The following ZMYND8 variants were observed in gnomAD, a reference collection of about 807,000 sequenced individuals.
ZMYND8 encodes zinc finger MYND-type containing 8, also known as MYND-type zinc finger-containing chromatin reader ZMYND8.
Under a neutral mutation model 140.8 loss-of-function variants are expected in ZMYND8, and 37 were observed. The ratio of observed to expected loss-of-function variants is 0.26; its 90% CI spans 0.20 to 0.35. ZMYND8 has a LOEUF of 0.35. Among genes scored for constraint, ZMYND8 ranks in the 10% least tolerant of loss-of-function variants. ZMYND8 has a pLI of 1.00. For missense variants in ZMYND8, 1,068 were observed against 1,570.0 expected (o/e 0.68, Z 5.40); for synonymous variants, 592 against 597.1 (o/e 0.99, Z 0.12).
intron 2 of ZMYND8, among the ~76,000 whole-genome samples, chr20:47,335,534 A>T (rs1384149481): frequency 3.3e-5 from 5 of 152,190 alleles, no homozygotes; most frequent in African/African-American, 1.2e-4. Flanking sequence ...ATAAGGCAAT[A>T]AAAAGTACCC....
At chr20:47,272,108 C>G (rs2075988495) in intron 11 of ZMYND8, among the ~76,000 whole-genome samples, 1 of 151,452 alleles carries the variant, frequency 6.6e-6, no homozygotes, top group East Asian at 1.9e-4. Flanking sequence ...GACAGAGTCT[C>G]ACTCTGTTGC....
intron 12 of ZMYND8, among the ~76,000 whole-genome samples, chr20:47,255,133 T>A (rs2074495691): frequency 6.6e-6 from 1 of 151,698 alleles, no homozygotes; most frequent in Non-Finnish European, 1.5e-5. Context: ...AAAAAATAAA[T>A]AAAACATAAA....
At chr20:47,224,688 G>A (rs2037436852) in intron 18 of ZMYND8, 132 bp from the exon 19 acceptor site, 1 of 1,478,008 alleles carries the variant, frequency 6.8e-7, no homozygotes, top group Non-Finnish European at 9.1e-7. Flanking sequence ...TGTGCCCATG[G>A]GCAATAACCT....
At chr20:47,214,491 C>T (rs553760176) in intron 21 of ZMYND8, among the ~76,000 whole-genome samples, 2 of 152,098 alleles carry the variant, frequency 1.3e-5, no homozygotes, top group African/African-American at 2.4e-5. Context: ...TCCTAAATGT[C>T]GGACTAAATC....
chr20:47,216,671 G>GT (rs1444735289), intron 21 of ZMYND8, among the ~76,000 whole-genome samples: 3 of 151,744 alleles, frequency 2.0e-5, no homozygotes, highest in Non-Finnish European at 4.4e-5. Flanking sequence ...GCTGGGTGTG[G>GT]TGGTGCACAC....
chr20:47,266,610 T>A (rs2075546819), intron 11 of ZMYND8, among the ~76,000 whole-genome samples: 1 of 152,114 alleles, frequency 6.6e-6, no homozygotes. Context: ...TTTGCTCTCA[T>A]GCCTGAATTT....
chr20:47,261,340 C>G (rs746097985), intron 12 of ZMYND8, among the ~76,000 whole-genome samples: 2 of 152,044 alleles, frequency 1.3e-5, no homozygotes, highest in Non-Finnish European at 2.9e-5. Context: ...AGTTCAAGAC[C>G]AGCCTGGGCA....
chr20:47,265,038 A>C (rs907211708), intron 11 of ZMYND8, among the ~76,000 whole-genome samples: 9 of 123,052 alleles, frequency 7.3e-5, no homozygotes, highest in African/African-American at 1.2e-4. Context: ...CCCTGTCCCC[A>C]AAAAAATATA....
chr20:47,340,944 C>CT (rs1342848912), intron 2 of ZMYND8, among the ~76,000 whole-genome samples: 1 of 152,164 alleles, frequency 6.6e-6, no homozygotes, highest in Non-Finnish European at 1.5e-5. Flanking sequence ...TTATCTTGAT[C>CT]TGGGTCAGGG....
At chr20:47,253,622 C>A (rs1225168052) in intron 12 of ZMYND8, among the ~76,000 whole-genome samples, 1 of 151,750 alleles carries the variant, frequency 6.6e-6, no homozygotes, top group Non-Finnish European at 1.5e-5. Flanking sequence ...CTGTATCAGA[C>A]CAATCTTCTA....
At chr20:47,220,488 G>A (rs1040651753) in intron 20 of ZMYND8, among the ~76,000 whole-genome samples, 164 bp from the exon 21 acceptor site, 3 of 152,206 alleles carry the variant, frequency 2.0e-5, no homozygotes, top group Non-Finnish European at 4.4e-5. Flanking sequence ...GGGCGGCCAG[G>A]TGGCCAAACC....
chr20:47,211,063 C>T lies in ZMYND8; in HGVS notation c.3569-166G>A, dbSNP rs546433372. 3.3e-5 allele frequency among the ~76,000 whole-genome samples: 5 copies of T among 152,292 alleles called. 1 individual carries two copies. Among genetic ancestry groups the T allele is most frequent in the African/African-American group, 1.2e-4 (5 of 41,566 alleles). On this transcript the variant is annotated intron_variant, in intron 22 of 22. Transcript: ENST00000471951. ...GCCCTGCATCTGTGGGTCTGTAGAA[C>T]AGAAAGGTAGAACAACTTATTTTTT...
At chr20:47,291,623 A>G (rs1263520099) in intron 6 of ZMYND8, among the ~76,000 whole-genome samples, 173 bp downstream of exon 6, 1 of 152,260 alleles carries the variant, frequency 6.6e-6, no homozygotes, top group African/African-American at 2.4e-5. Flanking sequence ...GTTACAAAGG[A>G]AAGACGTTAG....
At chr20:47,292,552 A>G (rs2077332869) in intron 5 of ZMYND8, among the ~76,000 whole-genome samples, 1 of 152,042 alleles carries the variant, frequency 6.6e-6, no homozygotes, top group African/African-American at 2.4e-5. Context: ...CATGCTCTAA[A>G]TTTTTTTTAT....
chr20:47,256,599 G>A (rs985082911), intron 12 of ZMYND8, among the ~76,000 whole-genome samples: 3 of 152,146 alleles, frequency 2.0e-5, no homozygotes, highest in Non-Finnish European at 2.9e-5. Context: ...CAGCGTGGGC[G>A]ACAGAGCAAG....
chr20:47,285,523 G>A (rs1601596992), intron 8 of ZMYND8, among the ~76,000 whole-genome samples: 2 of 152,270 alleles, frequency 1.3e-5, no homozygotes, highest in Admixed American at 6.5e-5. Context: ...AGATCACATC[G>A]TTGGGGCAGG....
intron 8 of ZMYND8, among the ~76,000 whole-genome samples, chr20:47,284,938 A>G (rs1215176111): frequency 6.6e-6 from 1 of 152,216 alleles, no homozygotes; most frequent in Non-Finnish European, 1.5e-5. Context: ...AAGGGCTGTT[A>G]TAAGAAATTA....
At chr20:47,355,445 C>T (rs1301788318) in intron 1 of ZMYND8, 2 of 985,290 alleles carry the variant, frequency 2.0e-6, no homozygotes, top group Non-Finnish European at 2.4e-6. Context: ...GATTGCTTTA[C>T]TTACCCAACA....
intron 3 of ZMYND8, among the ~76,000 whole-genome samples, chr20:47,303,962 T>C (rs1316128944): frequency 6.6e-6 from 1 of 152,134 alleles, no homozygotes; most frequent in Non-Finnish European, 1.5e-5. Flanking sequence ...AGATGCCTGG[T>C]TAATCTCCTT....
Sources: gnomAD v4.1 joint callset for allele counts (sites outside exome capture counted in the v4.1 genomes callset) on GRCh38, gnomAD v4.1.1 for gene constraint, MANE v1.5 for transcripts, NCBI Gene and HGNC (gene_info 2026-07-23, HGNC 2026-07-21) for gene names.